SLC2A14: variants seen among roughly 807,000 people sequenced by gnomAD.
SLC2A14 encodes the protein solute carrier family 2, facilitated glucose transporter member 14.
In SLC2A14, 13 loss-of-function variants were observed where a neutral mutation model predicts 43.0. The observed-to-expected ratio is 0.30, with a 90% CI of 0.20 to 0.48. SLC2A14 has a LOEUF of 0.48. Among genes scored for constraint, SLC2A14 ranks in the 20% least tolerant of loss-of-function variants. SLC2A14 has a pLI of 0.99. For synonymous variants in SLC2A14, 190 were observed against 233.8 expected, an observed-to-expected ratio of 0.81 and a Z score of 1.71; for missense variants, 428 against 620.4, an observed-to-expected ratio of 0.69 and a Z score of 3.29.
At chr12:7,870,249 T>C (rs1945150845) in intron 1 of SLC2A14, among the ~76,000 whole-genome samples, 1 of 152,130 alleles carries the variant, frequency 6.6e-6, no homozygotes, top group Non-Finnish European at 1.5e-5. Flanking sequence ...CAACTAGCAG[T>C]TTCCCCATCT....
intron 1 of SLC2A14, among the ~76,000 whole-genome samples, chr12:7,883,433 AT>A (rs1945626906): frequency 6.7e-6 from 1 of 149,356 alleles, no homozygotes. Context: ...TGCATGGCTG[AT>A]TTTTTGTATT....
chr12:7,880,025 G>A (rs1224303084), intron 1 of SLC2A14, among the ~76,000 whole-genome samples: 2 of 151,116 alleles, frequency 1.3e-5, no homozygotes, highest in South Asian at 2.1e-4. Context: ...ACAACAGGCC[G>A]GGCATCATGG....
Position 7,826,858 on chromosome 12 carries a change from C to CCTTCCTTCCTTTCTT in SLC2A14, c.864+636_864+637insAAGAAAGGAAGGAAG, listed in dbSNP as rs1565507403. Among the ~76,000 whole-genome samples, 57 of 43,234 alleles carry CCTTCCTTCCTTTCTT rather than the reference C, an allele frequency of 1.3e-3. 10 individuals are homozygous for CCTTCCTTCCTTTCTT. The highest frequency in any genetic ancestry group is 2.1e-3 in the Non-Finnish European group (49 of 22,876). The allele number at this position is 43,234 out of a possible 152,430, so 28.4% of individuals were successfully genotyped here. On this transcript the variant is annotated intron_variant, in intron 7 of 10. Transcript: ENST00000431042. ...CTTTCCTTCCTTCCTTCCTTCCTTT[C>CCTTCCTTCCTTTCTT]TTTTTTCTTTCTTTCTTTCTTTCTT... is the stretch of plus-strand genomic sequence containing the variant.
At chr12:7,845,468 C>T (rs917453764) in intron 2 of SLC2A14, among the ~76,000 whole-genome samples, 1 of 152,066 alleles carries the variant, frequency 6.6e-6, no homozygotes, top group Non-Finnish European at 1.5e-5. Flanking sequence ...ATCAGAATCT[C>T]CCAGGATCCT....
At chr12:7,877,070 C>A (rs1945476648), upstream of SLC2A14, among the ~76,000 whole-genome samples, 1 of 149,008 alleles carries the variant, frequency 6.7e-6, no homozygotes, top group Non-Finnish European at 1.5e-5. Flanking sequence ...GTGGCACAAT[C>A]TCCGCTCACT....
rs753621437 is a variant in SLC2A14 at position 7,880,690 on chromosome 12, CAAAA to C, written c.132+10302_132+10305del. Among the ~76,000 whole-genome samples the C allele has an allele frequency of 5.3e-3, 343 of 65,108 alleles. 2 individuals carry two copies. The highest frequency in any genetic ancestry group is 0.016 in the African/African-American group (307 of 19,350). 42.7% of individuals were successfully genotyped at this position (65,108 alleles called of 152,430 possible). A position where few individuals can be genotyped will look rare whatever the true frequency, so the allele number is the denominator to read the frequency against. ...AAAAATACAAACATTAGCTGGGTCT[CAAAA>C]AAAAAAAAAAAAAAAAAAAAGAGAG... On this transcript the variant is annotated intron_variant, in intron 1 of 9. Transcript: ENST00000539924.
chr12:7,868,633 G>A (rs1027732527), intron 2 of SLC2A14, among the ~76,000 whole-genome samples: 9 of 152,080 alleles, frequency 5.9e-5, no homozygotes, highest in African/African-American at 2.2e-4. Context: ...GAGTCATGAA[G>A]AACTACTACA....
intron 9 of SLC2A14, among the ~76,000 whole-genome samples, chr12:7,818,824 G>T (rs1434977020): frequency 2.0e-5 from 3 of 151,978 alleles, no homozygotes; most frequent in Non-Finnish European, 4.4e-5. Flanking sequence ...ACCCAGCCAG[G>T]CTTGGATTTT....
intron 2 of SLC2A14, among the ~76,000 whole-genome samples, chr12:7,863,113 C>T (rs1338216524): frequency 2.6e-5 from 4 of 152,084 alleles, no homozygotes; most frequent in African/African-American, 4.8e-5. Context: ...GTCCACGTTG[C>T]TTTTATGAGC....
intron 2 of SLC2A14, among the ~76,000 whole-genome samples, chr12:7,862,808 G>A (rs1165035059): frequency 6.6e-6 from 1 of 152,124 alleles, no homozygotes; most frequent in Non-Finnish European, 1.5e-5. Context: ...TCTTTATCTA[G>A]CTGCTCTGGT....
chr12:7,828,621 G>C, intron 6 of SLC2A14, 83 bp downstream of exon 6: 2 of 1,403,548 alleles, frequency 1.4e-6, no homozygotes, highest in South Asian at 2.6e-5. Flanking sequence ...GAAAGGGTAC[G>C]ACAGAAAATA....
chr12:7,865,820 A>G (rs1944875336), intron 2 of SLC2A14, among the ~76,000 whole-genome samples: 1 of 152,188 alleles, frequency 6.6e-6, no homozygotes, highest in Admixed American at 6.5e-5. Flanking sequence ...AGCCAAGAGA[A>G]GCCAAAAGCA....
chr12:7,840,006 G>A (rs1565532459), intron 2 of SLC2A14: 1 of 354,568 alleles, frequency 2.8e-6, no homozygotes, highest in Non-Finnish European at 5.5e-6. Context: ...CAGCTACTCG[G>A]GTGGCTGAGG....
At chr12:7,851,754 A>G (rs753002287) in intron 2 of SLC2A14, among the ~76,000 whole-genome samples, 1 of 152,278 alleles carries the variant, frequency 6.6e-6, no homozygotes, top group East Asian at 1.9e-4. Flanking sequence ...TTCATCTTTT[A>G]ATCTCCATTA....
At chr12:7,878,686 T>C (rs1945506367) in intron 1 of SLC2A14, among the ~76,000 whole-genome samples, 1 of 151,916 alleles carries the variant, frequency 6.6e-6, no homozygotes, top group South Asian at 2.1e-4. Context: ...AATGTATTAA[T>C]ATGGAAATTG....
intron 9 of SLC2A14, 150 bp from the exon 10 acceptor site, chr12:7,818,184 T>A (rs1863640907): frequency 1.3e-6 from 1 of 768,166 alleles, no homozygotes. Flanking sequence ...TTTATTTTTA[T>A]TTTTATATTT....
At chr12:7,879,322 AAC>A (rs1565587773) in intron 1 of SLC2A14, among the ~76,000 whole-genome samples, 6 of 45,382 alleles carry the variant, frequency 1.3e-4, no homozygotes, top group East Asian at 1.3e-3. Context: ...AAAAAAAACA[AAC>A]AACAACAAAA....
intron 1 of SLC2A14, among the ~76,000 whole-genome samples, chr12:7,878,998 A>C (rs868479688): frequency 3.4e-4 from 46 of 134,078 alleles, no homozygotes; most frequent in African/African-American, 1.2e-3. Context: ...AAAAAAAAAA[A>C]AAAAAAACAA....
intron 1 of SLC2A14, chr12:7,890,849 C>T (rs1332288586): frequency 5.0e-6 from 4 of 800,936 alleles, no homozygotes; most frequent in East Asian, 3.1e-5. Flanking sequence ...AGCTCAGCCT[C>T]GGTGAGTCTT....
Sources: gnomAD v4.1 joint callset for allele counts (sites outside exome capture counted in the v4.1 genomes callset) on GRCh38, gnomAD v4.1.1 for gene constraint, MANE v1.5 for transcripts, NCBI Gene and HGNC (gene_info 2026-07-23, HGNC 2026-07-21) for gene names.